Variants in NRG3 observed in about 807,000 individuals in gnomAD.
NRG3 encodes the protein neuregulin 3, also known as pro-neuregulin-3, membrane-bound isoform.
A neutral mutation model predicts 66.9 loss-of-function variants in NRG3; 31 were observed. The ratio of observed to expected loss-of-function variants is 0.46; its 90% confidence interval spans 0.35 to 0.63. The LOEUF (loss-of-function observed/expected upper bound fraction) is 0.63, where lower values mean the gene tolerates loss of function less well. NRG3 is among the 20% of genes least tolerant of loss of function. The probability of loss-of-function intolerance (pLI) is 0.00; values close to 1 mark genes in which losing one functional copy is unlikely to be tolerated. For synonymous variants in NRG3, 393 were observed against 359.4 expected, an observed-to-expected ratio of 1.09 and a Z score of -1.06; for missense variants, 910 against 878.9, an observed-to-expected ratio of 1.04 and a Z score of -0.45.
rs532151839 is a variant in NRG3 at position 81,920,366 on chromosome 10, C to T, written c.823+44203C>T. 6.6e-5 allele frequency among the ~76,000 whole-genome samples: 10 copies of T among 152,226 alleles called. No individual in the cohort carries two copies. The East Asian group carries it at 1.7e-3, about 27-fold the overall frequency. On this transcript the variant is annotated intron_variant, in intron 1 of 8. Transcript: ENST00000372141. ...TGGAGTTTTGAAGAATCTGTGGCAT[C>T]GATTCCTGGTGCTTTGCTGCCCAGG...
At chr10:82,459,839 G>A (rs2091434246) in intron 2 of NRG3, among the ~76,000 whole-genome samples, 1 of 152,146 alleles carries the variant, frequency 6.6e-6, no homozygotes, top group Non-Finnish European at 1.5e-5. Flanking sequence ...GAGCCCCCTT[G>A]GTTCCAGTCA....
intron 3 of NRG3, among the ~76,000 whole-genome samples, chr10:82,861,561 C>A (rs779494146): frequency 1.9e-4 from 29 of 152,194 alleles, no homozygotes; most frequent in Non-Finnish European, 4.1e-4. Flanking sequence ...CATTTCTTAG[C>A]ACAATCTACA....
chr10:82,491,290 T>TAA (rs1564984673), intron 2 of NRG3, among the ~76,000 whole-genome samples: 1 of 34,164 alleles, frequency 2.9e-5, no homozygotes, highest in African/African-American at 6.3e-5. Context: ...GCTGTTCCCA[T>TAA]AAAATATATA....
At chr10:82,118,487 T>G (rs2067867277) in intron 1 of NRG3, among the ~76,000 whole-genome samples, 1 of 152,050 alleles carries the variant, frequency 6.6e-6, no homozygotes, top group Non-Finnish European at 1.5e-5. Context: ...TTTAATAGTG[T>G]GAGAAATACA....
intron 1 of NRG3, among the ~76,000 whole-genome samples, chr10:81,880,967 A>G (rs1842127073): frequency 6.6e-6 from 1 of 152,190 alleles, no homozygotes; most frequent in South Asian, 2.1e-4. Flanking sequence ...GAAGTGAGCA[A>G]TGGACTCTAT....
At chr10:82,437,496 C>T (rs1280816774) in intron 2 of NRG3, among the ~76,000 whole-genome samples, 1 of 151,896 alleles carries the variant, frequency 6.6e-6, no homozygotes, top group African/African-American at 2.4e-5. Flanking sequence ...TGCTTTAGCT[C>T]ATCATAGTTT....
chr10:82,720,810 C>CATATACATATATATAT lies in NRG3; in HGVS notation c.954-17762_954-17761insCATATATATATATATA, dbSNP rs571675177. On this transcript the variant is annotated intron_variant, in intron 2 of 8. Transcript: ENST00000372141. ...AACACATATATAGGAGTATTTTATA[C>CATATACATATATATAT]ATATATATATATATATATATATATA... Among the ~76,000 whole-genome samples, 763 of 114,542 alleles carry CATATACATATATATAT rather than the reference C, an allele frequency of 6.7e-3. 5 individuals carry two copies. Among genetic ancestry groups the CATATACATATATATAT allele is most frequent in the Non-Finnish European group, 9.6e-3 (582 of 60,540 alleles). 75.1% of individuals were successfully genotyped at this position (114,542 alleles called of 152,430 possible). A position where few individuals can be genotyped will look rare whatever the true frequency, so the allele number is the denominator to read the frequency against.
intron 2 of NRG3, among the ~76,000 whole-genome samples, chr10:82,546,415 G>A (rs906095421): frequency 2.0e-5 from 3 of 151,942 alleles, no homozygotes; most frequent in Non-Finnish European, 4.4e-5. Context: ...AAACAACATG[G>A]AGCTGGCATC....
At chr10:82,926,303 A>C (rs1309224088) in intron 4 of NRG3, among the ~76,000 whole-genome samples, 1 of 152,196 alleles carries the variant, frequency 6.6e-6, no homozygotes, top group Non-Finnish European at 1.5e-5. Flanking sequence ...CTTGTTGTAT[A>C]AGAGACTTTA....
intron 2 of NRG3, among the ~76,000 whole-genome samples, chr10:82,696,434 A>G (rs910495442): frequency 6.6e-6 from 1 of 152,188 alleles, no homozygotes; most frequent in Non-Finnish European, 1.5e-5. Flanking sequence ...AAATTAGGAA[A>G]TAGGACAAGA....
intron 5 of NRG3, among the ~76,000 whole-genome samples, chr10:82,953,433 G>A (rs932247672): frequency 3.9e-5 from 6 of 152,044 alleles, no homozygotes; most frequent in East Asian, 3.9e-4. Flanking sequence ...GTGGAGCTGC[G>A]CAGAGCGAGT....
At chr10:82,428,683 G>A (rs2136300935) in intron 2 of NRG3, among the ~76,000 whole-genome samples, 1 of 151,996 alleles carries the variant, frequency 6.6e-6, no homozygotes, top group African/African-American at 2.4e-5. Context: ...AATGTTTGAT[G>A]TTTTTAGGTG....
At chr10:82,256,964 T>C (rs896315799) in intron 1 of NRG3, among the ~76,000 whole-genome samples, 2 of 152,136 alleles carry the variant, frequency 1.3e-5, no homozygotes, top group Admixed American at 6.6e-5. Flanking sequence ...GTCCGTGGAA[T>C]TGCTATTTTT....
intron 2 of NRG3, among the ~76,000 whole-genome samples, chr10:82,640,851 G>T (rs1255642974): frequency 2.0e-5 from 3 of 152,052 alleles, no homozygotes; most frequent in South Asian, 2.1e-4. Flanking sequence ...ATGCCTCATA[G>T]GCCTATTATT....
intron 1 of NRG3, among the ~76,000 whole-genome samples, chr10:81,945,049 A>C (rs1046080535): frequency 2.6e-5 from 4 of 151,900 alleles, no homozygotes; most frequent in Non-Finnish European, 5.9e-5. Flanking sequence ...ACCTCCTTCC[A>C]CATCCTCTGC....
chr10:82,408,098 A>AG (rs2087728193), intron 2 of NRG3, among the ~76,000 whole-genome samples: 1 of 126,106 alleles, frequency 7.9e-6, no homozygotes. Context: ...AAAGAAAGAA[A>AG]GAAAGAAAGA....
At chr10:82,367,707 A>G (rs2084631633) in intron 2 of NRG3, among the ~76,000 whole-genome samples, 1 of 152,126 alleles carries the variant, frequency 6.6e-6, no homozygotes, top group East Asian at 1.9e-4. Flanking sequence ...AATTATACAT[A>G]TTCTTGACCG....
rs74364323 is a variant in NRG3 at position 81,987,493 on chromosome 10, A to G, written c.823+111330A>G. ...GACTGCTATATTGATACAATCCAGT[A>G]TAAATAAGCAAATCAACCTGATGTG... On this transcript the variant is annotated intron_variant, in intron 1 of 8. Transcript: ENST00000372141. Among the ~76,000 whole-genome samples the G allele has an allele frequency of 6.1e-3, 936 of 152,364 alleles. 5 individuals carry two copies. The highest frequency in any genetic ancestry group is 0.021 in the African/African-American group (875 of 41,576).
At position 82,494,672 on chromosome 10, in the gene NRG3, C is replaced by A. The variant is rs1238795182; in HGVS notation, c.953+135804C>A. Among the ~76,000 whole-genome samples, 2 of 152,100 alleles carry A rather than the reference C, an allele frequency of 1.3e-5. 1 individual carries two copies. The highest frequency in any genetic ancestry group is 3.9e-4 in the East Asian group (2 of 5,194). On this transcript the variant is annotated intron_variant, in intron 2 of 8. Coordinates refer to ENST00000372141, the MANE Select transcript of NRG3 (RefSeq NM_001010848.4). ...TCCATCACCCCCAGGCATTCTCATT[C>A]TCCCTTCTAAAGCCCATTTTTCATC... is the stretch of plus-strand genomic sequence containing the variant.
Sources: gnomAD v4.1 joint callset for allele counts (sites outside exome capture counted in the v4.1 genomes callset) on GRCh38, gnomAD v4.1.1 for gene constraint, MANE v1.5 for transcripts, NCBI Gene and HGNC (gene_info 2026-07-23, HGNC 2026-07-21) for gene names.